HIF1A: variants seen among roughly 807,000 people sequenced by gnomAD.
HIF1A encodes hypoxia-inducible factor 1-alpha.
HIF1A carries 24 observed loss-of-function variants against 92.7 expected under a neutral mutation model. That is an observed-to-expected ratio of 0.26 (90% CI 0.19 to 0.36). The LOEUF (loss-of-function observed/expected upper bound fraction) is 0.36. Ranked by LOEUF, HIF1A falls within the 10% of genes least tolerant of loss-of-function variation. The probability of loss-of-function intolerance (pLI) is 1.00; values close to 1 mark genes in which losing one functional copy is unlikely to be tolerated. For missense variants in HIF1A, 799 were observed against 998.5 expected, an observed-to-expected ratio of 0.80 and a Z score of 2.69; for synonymous variants, 319 against 338.7, an observed-to-expected ratio of 0.94 and a Z score of 0.64.
At position 61,726,741 on chromosome 14, in the gene HIF1A, C is replaced by A. The variant is rs1388380759; in HGVS notation, c.493C>A (p.Arg165=). Residue 165 remains arginine (R), a synonymous_variant, in exon 5 of 15, where the codon CGA becomes AGA. Transcript: ENST00000337138. ...AAAGGGTAAAGAACAAAACACACAGCGAAGCTTTTTTCTCAGAATGAAGTG... is the reference window on the plus strand; with the variant it reads ...AAAGGGTAAAGAACAAAACACACAGAGAAGCTTTTTTCTCAGAATGAAGTG... The part of the protein sequence containing the change: ...VKKGKEQNTQ[R]SFFLRMKCTL... 1 of 1,607,750 alleles carries A rather than the reference C, an allele frequency of 6.2e-7. No individual in the cohort carries two copies. Among genetic ancestry groups the A allele is most frequent in the African/African-American group, 1.3e-5 (1 of 74,672 alleles).
chr14:61,702,069 C>T (rs2044183499), intron 1 of HIF1A, among the ~76,000 whole-genome samples: 2 of 151,942 alleles, frequency 1.3e-5, no homozygotes, highest in Middle Eastern at 3.2e-3. Flanking sequence ...TTTGAATTAA[C>T]AAATGAGACA....
intron 10 of HIF1A, chr14:61,739,950 G>A (rs917747718): frequency 2.6e-5 from 4 of 151,834 alleles, no homozygotes; most frequent in Admixed American, 2.0e-4. Flanking sequence ...TTAGAATAAG[G>A]TGTTTCTTTT....
In HIF1A at chr14:61,740,838, A is replaced by G; in HGVS notation, c.1743A>G (p.Ser581=). The change falls in exon 12 of 15, where the codon TCA becomes TCG. Residue 581 remains serine, a synonymous_variant. Coordinates refer to ENST00000337138, the MANE Select transcript of HIF1A (RefSeq NM_001530.4). ...DFQLRSFDQL[S]PLESSSASPE... is the part of the protein sequence containing the mutation. The stretch of plus-strand genomic sequence containing the variant: ...AGTTACGTTCCTTCGATCAGTTGTC[A>G]CCATTAGAAAGCAGTTCCGCAAGCC... The G allele has an allele frequency of 6.2e-7, 1 of 1,614,124 alleles. No homozygotes were observed. Among genetic ancestry groups the G allele is most frequent in the East Asian group, 2.2e-5 (1 of 44,874 alleles).
At chr14:61,712,228 A>T (rs1050238662) in intron 1 of HIF1A, among the ~76,000 whole-genome samples, 3 of 152,192 alleles carry the variant, frequency 2.0e-5, no homozygotes, top group Non-Finnish European at 4.4e-5. Flanking sequence ...TTAGGGTAGC[A>T]GTAGTCCAGG....
At chr14:61,706,555 T>C (rs2044241320) in intron 1 of HIF1A, among the ~76,000 whole-genome samples, 1 of 152,200 alleles carries the variant, frequency 6.6e-6, no homozygotes, top group Non-Finnish European at 1.5e-5. Context: ...GTGTATTCAG[T>C]TATAGCTAAA....
intron 1 of HIF1A, among the ~76,000 whole-genome samples, chr14:61,712,803 G>A (rs371783845): frequency 2.6e-5 from 4 of 151,414 alleles, no homozygotes; most frequent in East Asian, 1.9e-4. Flanking sequence ...ATATGTCAAA[G>A]TCAAACTTAC....
intron 1 of HIF1A, among the ~76,000 whole-genome samples, chr14:61,719,953 C>T (rs937806186): frequency 6.6e-6 from 1 of 152,166 alleles, no homozygotes; most frequent in African/African-American, 2.4e-5. Flanking sequence ...CTAACAACTC[C>T]TGTTTTCAAG....
At chr14:61,719,529 A>G (rs79396275) in intron 1 of HIF1A, among the ~76,000 whole-genome samples, 1,601 of 152,374 alleles carry the variant, frequency 0.011, 23 homozygotes, top group African/African-American at 0.037. Flanking sequence ...GTAACCTTTA[A>G]TAAACTGTTG....
intron 1 of HIF1A, among the ~76,000 whole-genome samples, chr14:61,719,851 G>A (rs1384696926): frequency 6.6e-6 from 1 of 152,118 alleles, no homozygotes; most frequent in Non-Finnish European, 1.5e-5. Flanking sequence ...ATAGCTTATC[G>A]TCAGTGTTAT....
intron 4 of HIF1A, among the ~76,000 whole-genome samples, chr14:61,725,251 A>G (rs576049471): frequency 4.1e-4 from 62 of 152,256 alleles, no homozygotes; most frequent in African/African-American, 1.4e-3. Context: ...TGACCTTACT[A>G]TATCTACTAC....
chr14:61,703,433 A>C (rs1329175418), intron 1 of HIF1A, among the ~76,000 whole-genome samples: 1 of 152,212 alleles, frequency 6.6e-6, no homozygotes, highest in Non-Finnish European at 1.5e-5. Flanking sequence ...TTTTGGTTTA[A>C]GAGACAAATC....
intron 8 of HIF1A, among the ~76,000 whole-genome samples, chr14:61,736,298 T>G (rs1353385492): frequency 6.6e-6 from 1 of 152,182 alleles, no homozygotes; most frequent in Non-Finnish European, 1.5e-5. Flanking sequence ...AATTCTTAAC[T>G]GAAATTAGTC....
chr14:61,698,146 A>G (rs1015993834), intron 1 of HIF1A, among the ~76,000 whole-genome samples: 5 of 152,262 alleles, frequency 3.3e-5, no homozygotes, highest in African/African-American at 1.2e-4. Flanking sequence ...TTACTGAATC[A>G]TTAAAGTAAA....
At chr14:61,707,410 C>T (rs529799612) in intron 1 of HIF1A, among the ~76,000 whole-genome samples, 6 of 152,222 alleles carry the variant, frequency 3.9e-5, no homozygotes, top group Admixed American at 2.0e-4. Flanking sequence ...CACCCAGTAA[C>T]TCGTCATTTA....
At chr14:61,737,484 T>A (rs1357044764) in intron 9 of HIF1A, among the ~76,000 whole-genome samples, 1 of 152,220 alleles carries the variant, frequency 6.6e-6, no homozygotes, top group Non-Finnish European at 1.5e-5. Flanking sequence ...CATCAAGCAT[T>A]GAAGATGAAA....
chr14:61,698,687 GT>G (rs144352788), intron 1 of HIF1A, among the ~76,000 whole-genome samples: 1 of 152,042 alleles, frequency 6.6e-6, no homozygotes, highest in African/African-American at 2.4e-5. Flanking sequence ...CTTGAAAAGC[GT>G]TTTTTTCCTG....
At chr14:61,707,008 T>C (rs1043809229) in intron 1 of HIF1A, among the ~76,000 whole-genome samples, 2 of 152,240 alleles carry the variant, frequency 1.3e-5, no homozygotes, top group Admixed American at 1.3e-4. Flanking sequence ...GTATGTGGTG[T>C]ATTAATGTCT....
intron 5 of HIF1A, 31 bp from the exon 6 acceptor site, chr14:61,727,422 T>A (rs2044520024): frequency 4.6e-6 from 7 of 1,527,160 alleles, no homozygotes; most frequent in African/African-American, 1.4e-5. Flanking sequence ...TTGTAAATAT[T>A]TTTTTTAACT....
At chr14:61,736,840 C>A (rs749692166) in intron 8 of HIF1A, 49 bp from the exon 9 acceptor site, 1 of 1,291,254 alleles carries the variant, frequency 7.7e-7, no homozygotes, top group South Asian at 1.2e-5. Context: ...CTTCCCCTCA[C>A]TGTATCAAGT....
Sources: allele counts gnomAD v4.1 joint callset (sites outside exome capture counted in the v4.1 genomes callset), GRCh38; gene constraint gnomAD v4.1.1; transcripts MANE v1.5; gene names NCBI Gene and HGNC (gene_info 2026-07-23, HGNC 2026-07-21).